Variants in ATP11B observed in about 807,000 individuals in gnomAD.
ATP11B encodes ATPase phospholipid transporting 11B (putative), also known as phospholipid-transporting ATPase IF.
Under a neutral mutation model 157.8 loss-of-function variants are expected in ATP11B, and 81 were observed. That is an observed-to-expected ratio of 0.51 (90% CI 0.43 to 0.62). ATP11B has a LOEUF of 0.62. Ranked by LOEUF, ATP11B falls within the 20% of genes least tolerant of loss-of-function variation. ATP11B has a pLI of 0.00. For synonymous variants in ATP11B, 451 were observed against 469.4 expected, an observed-to-expected ratio of 0.96 and a Z score of 0.51; for missense variants, 1,165 against 1,402.2, an observed-to-expected ratio of 0.83 and a Z score of 2.70.
Position 182,865,682 on chromosome 3 carries a change from A to G in ATP11B, c.1427A>G (p.Glu476Gly). ...AGTTCCTCTTTCAGAACCAGTCCTG[A>G]AAATGAAACTGAACTAGTAAGTAAT... ...TTSSSFRTSPENETELIKEHD... is the reference protein window; with the variant it reads ...TTSSSFRTSPGNETELIKEHD... The change falls in exon 13 of 30, where the codon GAA (glutamate) becomes GGA (glycine). Residue 476 changes from glutamate to glycine, a missense_variant. Coordinates refer to ENST00000323116, the MANE Select transcript of ATP11B (RefSeq NM_014616.3). 5.0e-6 allele frequency: 8 copies of G among 1,611,782 alleles called. No individual in the cohort carries two copies. The highest frequency in any genetic ancestry group is 6.8e-6 in the Non-Finnish European group (8 of 1,178,856).
intron 1 of ATP11B, among the ~76,000 whole-genome samples, chr3:182,810,509 T>C (rs1227461401): frequency 6.6e-6 from 1 of 152,146 alleles, no homozygotes; most frequent in African/African-American, 2.4e-5. Flanking sequence ...ATTTCCCAGG[T>C]TCTTGATAAC....
chr3:182,894,436 T>A (rs1279281252), intron 25 of ATP11B, among the ~76,000 whole-genome samples: 4 of 152,122 alleles, frequency 2.6e-5, no homozygotes, highest in Non-Finnish European at 5.9e-5. Flanking sequence ...TCCGCCTGCC[T>A]CGGCCTCCCA....
At chr3:182,848,387 C>T (rs1293700741) in intron 9 of ATP11B, 89 bp from the exon 10 acceptor site, 1 of 756,958 alleles carries the variant, frequency 1.3e-6, no homozygotes, top group African/African-American at 1.8e-5. Flanking sequence ...AGACAGTACA[C>T]TAAAAGCTTT....
At chr3:182,837,250 A>G in intron 7 of ATP11B, 76 bp downstream of exon 7, 2 of 1,109,518 alleles carry the variant, frequency 1.8e-6, no homozygotes, top group East Asian at 2.6e-5. Context: ...TAAACATAAA[A>G]TGAAATCTTT....
intron 1 of ATP11B, among the ~76,000 whole-genome samples, chr3:182,816,487 T>C (rs1393283496): frequency 6.6e-6 from 1 of 152,240 alleles, no homozygotes; most frequent in Non-Finnish European, 1.5e-5. Context: ...TCCAGTGTCA[T>C]AGAATTGCTG....
intron 17 of ATP11B, 42 bp from the exon 18 acceptor site, chr3:182,872,314 T>G: frequency 7.2e-7 from 1 of 1,382,816 alleles, no homozygotes; most frequent in Non-Finnish European, 9.9e-7. Context: ...GTTTGTTGTT[T>G]GTGTTCAATT....
intron 28 of ATP11B, chr3:182,905,826 A>G (rs766426827): frequency 6.6e-6 from 3 of 456,652 alleles, no homozygotes; most frequent in Non-Finnish European, 1.3e-5. Context: ...TCAGCTCAGC[A>G]TATGAATTTG....
intron 21 of ATP11B, among the ~76,000 whole-genome samples, chr3:182,883,550 ACCCAGCCTGAGCCACCGTG>A (rs933293655): frequency 3.3e-5 from 5 of 151,298 alleles, no homozygotes; most frequent in Non-Finnish European, 4.4e-5. Context: ...GAGCCACCAC[ACCCAGCCTGAGCCACCGTG>A]CCCAGCCTGA....
chr3:182,869,472 G>A, intron 17 of ATP11B, 141 bp downstream of exon 17: 1 of 577,022 alleles, frequency 1.7e-6, no homozygotes, highest in Admixed American at 3.5e-5. Flanking sequence ...CATTCCTTTT[G>A]TGAAAACTGA....
At chr3:182,838,073 G>A (rs757202952) in intron 7 of ATP11B, among the ~76,000 whole-genome samples, 49 of 151,944 alleles carry the variant, frequency 3.2e-4, no homozygotes, top group Non-Finnish European at 4.4e-4. Context: ...GTCTTTAGCC[G>A]TTGGCTTTTC....
chr3:182,895,298 C>G (rs563884777), intron 25 of ATP11B, among the ~76,000 whole-genome samples: 6 of 152,060 alleles, frequency 3.9e-5, no homozygotes, highest in African/African-American at 1.4e-4. Flanking sequence ...TTTTGATTCT[C>G]CTCTTGACAA....
chr3:182,853,458 G>A (rs1720137670), intron 10 of ATP11B, among the ~76,000 whole-genome samples: 1 of 151,940 alleles, frequency 6.6e-6, no homozygotes, highest in Admixed American at 6.6e-5. Flanking sequence ...CGCCTACCTC[G>A]GCCTCCCTGC....
Position 182,869,303 on chromosome 3 carries a change from C to A in ATP11B, c.1838C>A (p.Thr613Asn), listed in dbSNP as rs779719899. 18 of 1,606,220 alleles carry A rather than the reference C, an allele frequency of 1.1e-5. No homozygotes were observed. The highest frequency in any genetic ancestry group is 2.2e-5 in the South Asian group (2 of 89,138). ...PKCIGGEIEK[T>N]RIHVDEFALK... ...TGTATAGGTGGAGAAATAGAAAAAA[C>A]CAGAATTCATGTAGATGAATTTGCT... Residue 613 changes from threonine (T) to asparagine (N), a missense_variant, in exon 17 of 30, where the codon ACC becomes AAC. Physicochemically the swap from Thr to Asn is moderately conservative, Grantham distance 65 (BLOSUM62 0). This residue lies in a region of ATP11B where 737 missense variants were observed against 930.5 expected (regional missense o/e 0.79). Coordinates refer to ENST00000323116, the MANE Select transcript of ATP11B (RefSeq NM_014616.3).
chr3:182,799,430 C>T (rs566827147), intron 1 of ATP11B, among the ~76,000 whole-genome samples: 6 of 152,220 alleles, frequency 3.9e-5, no homozygotes, highest in South Asian at 4.1e-4. Flanking sequence ...GCGCCCACCA[C>T]CACGCCCAGC....
chr3:182,914,864 A>G, intron 29 of ATP11B: 2 of 985,382 alleles, frequency 2.0e-6, no homozygotes, highest in Non-Finnish European at 2.4e-6. Flanking sequence ...TCTTTAGGTG[A>G]ATGATACCAT....
chr3:182,904,651 G>A (rs911806104), intron 28 of ATP11B, among the ~76,000 whole-genome samples: 3 of 152,088 alleles, frequency 2.0e-5, no homozygotes, highest in African/African-American at 7.2e-5. Context: ...ATTTTGGGAG[G>A]CCAAGATGGG....
At chr3:182,822,708 C>G (rs1355314635) in intron 2 of ATP11B, among the ~76,000 whole-genome samples, 12 of 152,180 alleles carry the variant, frequency 7.9e-5, no homozygotes, top group Non-Finnish European at 1.3e-4. Context: ...CTTCCACAAT[C>G]GTTGAACTAG....
chr3:182,841,788 C>T (rs940722165), intron 7 of ATP11B, among the ~76,000 whole-genome samples: 3 of 151,576 alleles, frequency 2.0e-5, no homozygotes, highest in Non-Finnish European at 2.9e-5. Flanking sequence ...ACCATCCTGG[C>T]TAACATGGTG....
In ATP11B at chr3:182,896,400, C is replaced by A. The variant is rs1723551947; in HGVS notation, c.2983-300C>A. Among the ~76,000 whole-genome samples the A allele has an allele frequency of 2.0e-5, 3 of 152,322 alleles. No individual in the cohort carries two copies. In the South Asian group the frequency reaches 6.2e-4, roughly 32 times the overall value. On this transcript the variant is annotated intron_variant, in intron 25 of 29. Coordinates refer to ENST00000323116, the MANE Select transcript of ATP11B (RefSeq NM_014616.3). ...TTTTTACTGTGCAACAGCAATAAAG[C>A]AGTCCCTAATGACTACATTATTCTA...
Sources: allele counts gnomAD v4.1 joint callset (sites outside exome capture counted in the v4.1 genomes callset), GRCh38; gene constraint gnomAD v4.1.1; regional missense constraint gnomAD v4.1.1; transcripts MANE v1.5; gene names NCBI Gene and HGNC (gene_info 2026-07-23, HGNC 2026-07-21).